Variants in TRAF3IP1 observed in about 807,000 individuals in gnomAD.
The protein encoded by TRAF3IP1 is intraflagellar transport 54.
A neutral mutation model predicts 89.9 loss-of-function variants in TRAF3IP1; 53 were observed. The ratio of observed to expected loss-of-function variants is 0.59; its 90% CI spans 0.47 to 0.74. The LOEUF (loss-of-function observed/expected upper bound fraction) is 0.74, where lower values mean the gene tolerates loss of function less well. Among genes scored for constraint, TRAF3IP1 ranks in the 30% least tolerant of loss-of-function variants. The probability of loss-of-function intolerance (pLI) is 0.00; values close to 1 mark genes in which losing one functional copy is unlikely to be tolerated. For missense variants in TRAF3IP1, 806 were observed against 866.1 expected (o/e 0.93, Z 0.87); for synonymous variants, 311 against 322.1 (o/e 0.97, Z 0.37).
chr2:238,395,631 C>T (rs1468761983), intron 15 of TRAF3IP1, among the ~76,000 whole-genome samples: 1 of 152,088 alleles, frequency 6.6e-6, no homozygotes, highest in Non-Finnish European at 1.5e-5. Context: ...GCAACCTTCT[C>T]ATCTGACAAA....
At chr2:238,393,829 T>C (rs1701097950) in intron 15 of TRAF3IP1, among the ~76,000 whole-genome samples, 1 of 152,244 alleles carries the variant, frequency 6.6e-6, no homozygotes, top group African/African-American at 2.4e-5. Flanking sequence ...ATGGATCTAC[T>C]TTTGGATTCT....
rs1574970454 is a variant in TRAF3IP1, at chr2:238,385,276, A to C, written c.1690-12183A>C. On this transcript the variant is annotated intron_variant, in intron 15 of 16. Transcript: ENST00000373327. ...CGTGATCCGCCCGCCTCGGCCTCCC[A>C]AAGTGCTGGGATTACAGGCGTGAAC... Among the ~76,000 whole-genome samples the C allele has an allele frequency of 2.0e-5, 3 of 152,226 alleles. 1 individual carries two copies. The highest frequency in any genetic ancestry group is 2.0e-4 in the Admixed American group (3 of 15,296).
chr2:238,380,681 C>T (rs563096350), intron 15 of TRAF3IP1, among the ~76,000 whole-genome samples: 1 of 152,252 alleles, frequency 6.6e-6, no homozygotes, highest in Admixed American at 6.5e-5. Flanking sequence ...TGTGATTCAC[C>T]CCCGGCCCCA....
intron 8 of TRAF3IP1, among the ~76,000 whole-genome samples, chr2:238,341,187 ATTT>A (rs11323220): frequency 1.0e-4 from 14 of 140,278 alleles, no homozygotes; most frequent in African/African-American, 3.5e-4. Flanking sequence ...TGCCTAGCTA[ATTT>A]TTTTTTTTTT....
At chr2:238,326,822 T>C (rs113399889) in intron 3 of TRAF3IP1, among the ~76,000 whole-genome samples, 10 of 152,204 alleles carry the variant, frequency 6.6e-5, no homozygotes, top group African/African-American at 2.4e-4. Flanking sequence ...TGCATAGTGG[T>C]ATCAGGCCGA....
At position 238,352,899 on chromosome 2, in the gene TRAF3IP1, A is replaced by G. The variant is rs1411563007; in HGVS notation, c.1524A>G (p.Gln508=). The G allele has an allele frequency of 1.9e-6, 3 of 1,614,014 alleles. No individual in the cohort carries two copies. Among genetic ancestry groups the G allele is most frequent in the South Asian group, 2.2e-5 (2 of 91,008 alleles). Residue 508 remains glutamine (Q), a synonymous_variant, in exon 13 of 17, where the codon CAA becomes CAG. Transcript: ENST00000373327. ...ATTCTGACAATGAAGAGGATGATCA[A>G]TTTGTGGTGGAAGCTGCCCCTCAGC... The part of the protein sequence containing the change: ...SHNSDNEEDD[Q]FVVEAAPQLS...
intron 5 of TRAF3IP1, among the ~76,000 whole-genome samples, chr2:238,331,681 G>T (rs921658492): frequency 5.3e-5 from 8 of 152,162 alleles, no homozygotes; most frequent in Non-Finnish European, 1.0e-4. Context: ...TTCTGTGGAC[G>T]ATCTGGGGGC....
intron 15 of TRAF3IP1, among the ~76,000 whole-genome samples, chr2:238,357,082 A>G (rs1246165500): frequency 6.6e-6 from 1 of 152,148 alleles, no homozygotes; most frequent in African/African-American, 2.4e-5. Context: ...CTGGCCGGGA[A>G]TGTTTTTAAG....
intron 15 of TRAF3IP1, among the ~76,000 whole-genome samples, chr2:238,391,784 C>T (rs1315254699): frequency 6.6e-6 from 1 of 152,122 alleles, no homozygotes; most frequent in South Asian, 2.1e-4. Flanking sequence ...AGTCTCCTAC[C>T]TTAAGGTCCA....
In TRAF3IP1 at chr2:238,351,866, T is replaced by TGTGTGTGTGTGCGC. The variant is rs1421537563; in HGVS notation, c.1452-960_1452-959insTGTGTGTGTGCGCG. 1.3e-4 allele frequency among the ~76,000 whole-genome samples: 17 copies of TGTGTGTGTGTGCGC among 128,192 alleles called. 1 individual carries two copies. The highest frequency in any genetic ancestry group is 5.4e-4 in the African/African-American group (16 of 29,416). 84.1% of individuals were successfully genotyped at this position (128,192 alleles called of 152,430 possible). ...GTGTGTGTGTGTGTGTGTGTGTGTG[T>TGTGTGTGTGTGCGC]GCGCGCGCGCGCGTGTGCGTGCATG... On this transcript the variant is annotated intron_variant, in intron 12 of 16. Transcript: ENST00000373327. This position sits in a 1 kb window ranked among gnomAD's most constrained non-coding sequence, Gnocchi z 5.2.
chr2:238,333,874 C>T (rs1574901811), intron 6 of TRAF3IP1, 86 bp from the exon 7 acceptor site: 1 of 1,148,080 alleles, frequency 8.7e-7, no homozygotes, highest in East Asian at 2.6e-5. Flanking sequence ...CTTGTTCTTC[C>T]TCAAGAAGAG....
intron 15 of TRAF3IP1, among the ~76,000 whole-genome samples, chr2:238,387,082 G>A (rs1480627929): frequency 6.6e-6 from 1 of 152,162 alleles, no homozygotes; most frequent in Non-Finnish European, 1.5e-5. Flanking sequence ...TGAGACAGGC[G>A]TTACACCCAT....
intron 9 of TRAF3IP1, 30 bp from the exon 10 acceptor site, chr2:238,347,412 TTGACTACACGAAA>T: frequency 6.2e-7 from 1 of 1,611,788 alleles, no homozygotes; most frequent in East Asian, 2.2e-5. Flanking sequence ...TGTATTGAGG[TTGACTACACGAAA>T]GCTAATTTTC....
intron 1 of TRAF3IP1, among the ~76,000 whole-genome samples, chr2:238,322,518 C>T (rs1286248298): frequency 6.6e-6 from 1 of 151,988 alleles, no homozygotes; most frequent in Non-Finnish European, 1.5e-5. Flanking sequence ...GTTAAAACTC[C>T]ATCTCTACTG....
chr2:238,328,801 A>T lies in TRAF3IP1; in HGVS notation c.470A>T (p.Glu157Val). 1 of 1,614,138 alleles carries T rather than the reference A, an allele frequency of 6.2e-7. No homozygotes were observed. The highest frequency in any genetic ancestry group is 8.5e-7 in the Non-Finnish European group (1 of 1,180,028). Residue 157 changes from glutamate to valine, a missense_variant, in exon 4 of 17, where the codon GAA becomes GTA. This residue lies in a region of TRAF3IP1 where 732 missense variants were observed against 780.5 expected (regional missense o/e 0.94). Coordinates refer to ENST00000373327, the MANE Select transcript of TRAF3IP1 (RefSeq NM_015650.4). ...QELDNKNVRE[E>V]ESRVHKNTED... ...TTGGATAATAAGAATGTGCGAGAAG[A>T]AGAGTCCAGAGTTCACAAAAATACA...
At chr2:238,381,372 A>G (rs1285788232) in intron 15 of TRAF3IP1, among the ~76,000 whole-genome samples, 1 of 152,198 alleles carries the variant, frequency 6.6e-6, no homozygotes. Flanking sequence ...ACTGAACCCC[A>G]CTGACACCCT....
chr2:238,367,256 A>C (rs989847281), intron 15 of TRAF3IP1, among the ~76,000 whole-genome samples: 1 of 149,984 alleles, frequency 6.7e-6, no homozygotes, highest in Non-Finnish European at 1.5e-5. Context: ...ACAATGCCCC[A>C]GCTCAGTGGA....
At chr2:238,320,883 C>T in intron 1 of TRAF3IP1, 98 bp downstream of exon 1, 1 of 1,086,716 alleles carries the variant, frequency 9.2e-7, no homozygotes, top group Non-Finnish European at 1.2e-6. Flanking sequence ...GCGAGCCGGG[C>T]TCGGGCTCAG....
intron 15 of TRAF3IP1, among the ~76,000 whole-genome samples, chr2:238,367,029 T>G (rs1284969937): frequency 2.0e-5 from 3 of 151,446 alleles, no homozygotes; most frequent in Non-Finnish European, 4.4e-5. Context: ...CCGGGCGTGG[T>G]GGCACGTGCC....
Sources: gnomAD v4.1 joint callset for allele counts (sites outside exome capture counted in the v4.1 genomes callset) on GRCh38, gnomAD v4.1.1 for gene constraint, gnomAD v4.1.1 regional missense constraint, Gnocchi (gnomAD v3.1) non-coding constraint, MANE v1.5 for transcripts, NCBI Gene and HGNC (gene_info 2026-07-23, HGNC 2026-07-21) for gene names.